Variants in XPNPEP3 observed in about 807,000 individuals in gnomAD.
XPNPEP3 encodes X-prolyl aminopeptidase 3.
A neutral mutation model predicts 60.0 loss-of-function variants in XPNPEP3; 41 were observed. The observed-to-expected ratio is 0.68, with a 90% confidence interval of 0.53 to 0.89. XPNPEP3 has a LOEUF of 0.89. XPNPEP3 is among the 40% of genes least tolerant of loss of function. XPNPEP3 has a pLI of 0.00. For synonymous variants in XPNPEP3, 212 were observed against 223.2 expected, an observed-to-expected ratio of 0.95 and a Z score of 0.45; for missense variants, 598 against 638.9, an observed-to-expected ratio of 0.94 and a Z score of 0.69.
At chr22:40,880,494 C>T (rs1363585484) in intron 2 of XPNPEP3, among the ~76,000 whole-genome samples, 1 of 149,532 alleles carries the variant, frequency 6.7e-6, no homozygotes, top group Non-Finnish European at 1.5e-5. Context: ...AGAAAAGATA[C>T]ATACTAGATT....
In XPNPEP3 at chr22:40,926,449, C is replaced by A; in HGVS notation, c.*14C>A. The stretch of plus-strand genomic sequence containing the variant: ...CAGGCTTCTTGACCTTCACTGCGGC[C>A]CACATGCACCTCAGGTTCAAAATGG... On this transcript the variant is annotated 3_prime_UTR_variant, in exon 10 of 10. Coordinates refer to ENST00000357137, the MANE Select transcript of XPNPEP3 (RefSeq NM_022098.4). The A allele has an allele frequency of 6.2e-7, 1 of 1,613,960 alleles. No homozygotes were observed. Among genetic ancestry groups the A allele is most frequent in the Non-Finnish European group, 8.5e-7 (1 of 1,180,022 alleles).
intron 4 of XPNPEP3, among the ~76,000 whole-genome samples, chr22:40,904,991 ACTC>A (rs1211405593): frequency 4.6e-5 from 7 of 151,822 alleles, no homozygotes; most frequent in Non-Finnish European, 1.0e-4. Flanking sequence ...CTGGTCTCGA[ACTC>A]CTGGCCACAA....
At chr22:40,909,730 A>C (rs1057158866) in intron 6 of XPNPEP3, among the ~76,000 whole-genome samples, 1 of 152,044 alleles carries the variant, frequency 6.6e-6, no homozygotes, top group African/African-American at 2.4e-5. Context: ...ACACAACCGC[A>C]CTCCAGTGCT....
At chr22:40,873,779 C>T (rs974956960) in intron 2 of XPNPEP3, among the ~76,000 whole-genome samples, 2 of 151,254 alleles carry the variant, frequency 1.3e-5, no homozygotes, top group East Asian at 1.9e-4. Flanking sequence ...CCTAGGCAAC[C>T]GAGCAAGACC....
intron 4 of XPNPEP3, chr22:40,888,389 G>A (rs1033446127): frequency 1.1e-5 from 5 of 436,286 alleles, no homozygotes; most frequent in African/African-American, 1.0e-4. Flanking sequence ...GACCATTGGT[G>A]CATGCCACTA....
At chr22:40,921,549 G>A (rs937459956) in intron 7 of XPNPEP3, among the ~76,000 whole-genome samples, 1 of 151,634 alleles carries the variant, frequency 6.6e-6, no homozygotes, top group African/African-American at 2.4e-5. Context: ...GGTGGGCTGG[G>A]GTATGGGTAC....
rs1446202013 is a variant in XPNPEP3 at position 40,861,409 on chromosome 22, C to T, written c.64+4164C>T. ...ATTTTCTTTGTATTAATATTTCTGC[C>T]ATTAACGATTTTGTCTGAAGTTGTA... On this transcript the variant is annotated intron_variant, in intron 1 of 9. Coordinates refer to ENST00000357137, the MANE Select transcript of XPNPEP3 (RefSeq NM_022098.4). The T allele has an allele frequency of 6.2e-7, 1 of 1,613,628 alleles. No homozygotes were observed. Among genetic ancestry groups the T allele is most frequent in the East Asian group, 2.2e-5 (1 of 44,876 alleles).
At chr22:40,911,137 C>G (rs1287334631) in intron 6 of XPNPEP3, among the ~76,000 whole-genome samples, 1 of 152,038 alleles carries the variant, frequency 6.6e-6, no homozygotes, top group African/African-American at 2.4e-5. Context: ...TATTATCAGA[C>G]CTCTTAATTT....
chr22:40,897,168 C>T (rs2058111765), intron 4 of XPNPEP3, among the ~76,000 whole-genome samples: 1 of 151,538 alleles, frequency 6.6e-6, no homozygotes, highest in South Asian at 2.1e-4. Context: ...GCTGGGACTA[C>T]AGGCACCCGC....
In XPNPEP3 at chr22:40,882,007, C is replaced by T; in HGVS notation, c.419C>T (p.Pro140Leu). The change falls in exon 3 of 10, where the codon CCT (proline) becomes CTT (leucine). Residue 140 changes from proline (P) to leucine (L), a missense_variant. By Grantham distance (98) the Pro-to-Leu change is moderately conservative. Coordinates refer to ENST00000357137, the MANE Select transcript of XPNPEP3 (RefSeq NM_022098.4). The stretch of plus-strand genomic sequence containing the variant: ...AGCATTCTTGTCCTTCAGAGCCTCC[C>T]TGGCAAACAATTACCATCACACAAA... Reference protein sequence around the residue: ...PDSILVLQSLPGKQLPSHKAI... With the variant: ...PDSILVLQSLLGKQLPSHKAI... 6.2e-7 allele frequency: 1 copy of T among 1,614,176 alleles called. No individual in the cohort carries two copies. Among genetic ancestry groups the T allele is most frequent in the Non-Finnish European group, 8.5e-7 (1 of 1,180,014 alleles).
At chr22:40,860,936 C>T (rs2057940293) in intron 1 of XPNPEP3, 2 of 925,812 alleles carry the variant, frequency 2.2e-6, no homozygotes, top group East Asian at 2.6e-5. Context: ...AAACTACTAA[C>T]CAAATGTCCA....
intron 1 of XPNPEP3, among the ~76,000 whole-genome samples, chr22:40,864,944 T>C (rs2057970744): frequency 6.6e-6 from 1 of 152,172 alleles, no homozygotes; most frequent in Admixed American, 6.5e-5. Context: ...GACACTATGA[T>C]ACAGAGAAAA....
At chr22:40,897,605 G>C (rs2058113969) in intron 4 of XPNPEP3, among the ~76,000 whole-genome samples, 2 of 151,708 alleles carry the variant, frequency 1.3e-5, no homozygotes, top group Admixed American at 6.6e-5. Flanking sequence ...GGGCTCATGT[G>C]ATCTTCCCAC....
chr22:40,914,704 G>A (rs928268532), intron 7 of XPNPEP3, among the ~76,000 whole-genome samples: 1 of 151,646 alleles, frequency 6.6e-6, no homozygotes, highest in Non-Finnish European at 1.5e-5. Context: ...GGGACTATAG[G>A]CACATTGCCA....
chr22:40,909,283 A>G (rs1294075758), intron 6 of XPNPEP3, 48 bp downstream of exon 6: 2 of 1,484,914 alleles, frequency 1.3e-6, no homozygotes, highest in Admixed American at 3.3e-5. Flanking sequence ...CAGATAGCCT[A>G]GTAGAAAACC....
At chr22:40,879,786 G>A (rs1208147904) in intron 2 of XPNPEP3, among the ~76,000 whole-genome samples, 2 of 152,140 alleles carry the variant, frequency 1.3e-5, no homozygotes, top group East Asian at 3.9e-4. Context: ...AGGGTGCAGT[G>A]AGGTGAGATC....
Position 40,862,841 on chromosome 22 carries a change from T to C in XPNPEP3, c.64+5596T>C, listed in dbSNP as rs2057958354. 3 of 719,254 alleles carry C rather than the reference T, an allele frequency of 4.2e-6. No individual in the cohort carries two copies. In the South Asian group the frequency reaches 1.9e-4, roughly 45 times the overall value. 44.6% of individuals were successfully genotyped at this position (719,254 alleles called of 1,614,324 possible). A position where few individuals can be genotyped will look rare whatever the true frequency, so the allele number is the denominator to read the frequency against. The stretch of plus-strand genomic sequence containing the variant: ...TTTTAGCCACTGGTGATAGCAGTAT[T>C]GAACAAAAGACACCAGTTTTCCTGG... On this transcript the variant is annotated intron_variant, in intron 1 of 9. Coordinates refer to ENST00000357137, the MANE Select transcript of XPNPEP3 (RefSeq NM_022098.4).
chr22:40,902,662 C>T (rs1414677400), intron 4 of XPNPEP3, among the ~76,000 whole-genome samples: 4 of 152,190 alleles, frequency 2.6e-5, no homozygotes, highest in African/African-American at 7.2e-5. Flanking sequence ...GGATTACAGG[C>T]GTGAGCCACC....
intron 7 of XPNPEP3, 59 bp downstream of exon 7, chr22:40,914,383 G>A (rs957242615): frequency 1.4e-6 from 2 of 1,398,106 alleles, no homozygotes; most frequent in Admixed American, 3.4e-5. Context: ...GTTGGAATAT[G>A]GCTATATTTG....
Sources: allele counts gnomAD v4.1 joint callset (sites outside exome capture counted in the v4.1 genomes callset), GRCh38; gene constraint gnomAD v4.1.1; transcripts MANE v1.5; gene names NCBI Gene and HGNC (gene_info 2026-07-23, HGNC 2026-07-21).